Variants in ACCSL observed in about 807,000 individuals in gnomAD.
ACCSL encodes the protein probable inactive 1-aminocyclopropane-1-carboxylate synthase-like protein 2.
A neutral mutation model predicts 61.7 loss-of-function variants in ACCSL; 55 were observed. The observed-to-expected ratio is 0.89, with a 90% CI of 0.72 to 1.12. ACCSL has a LOEUF of 1.12. Ranked by LOEUF, ACCSL falls within the 50% of genes most tolerant of loss-of-function variation. ACCSL has a pLI of 0.00. For missense variants in ACCSL, 632 were observed against 698.0 expected (o/e 0.91, Z 1.07); for synonymous variants, 258 against 264.3 (o/e 0.98, Z 0.23).
chr11:43,975,762 T>C, the ACCSL span, among the ~76,000 whole-genome samples: 1 of 152,216 alleles, frequency 6.6e-6, no homozygotes, highest in African/African-American at 2.4e-5. Flanking sequence ...ACAAAGCTAC[T>C]GATCTTCAAA....
At chr11:43,979,250 T>G in the ACCSL span, among the ~76,000 whole-genome samples, 1 of 152,148 alleles carries the variant, frequency 6.6e-6, no homozygotes, top group Non-Finnish European at 1.5e-5. Context: ...AAGGACTGCT[T>G]GAGCCCAGGA....
chr11:44,058,601 A>G lies in ACCSL; in HGVS notation c.1526A>G (p.Asp509Gly), dbSNP rs1209277290. 1.2e-6 allele frequency: 2 copies of G among 1,614,016 alleles called. No homozygotes were observed. The highest frequency in any genetic ancestry group is 1.3e-5 in the African/African-American group (1 of 74,902). ...CGGCTCCTCTATTGCCGCTTCCTGGACAACAAGCTATTGTTATCCCGTGGC... is the reference window on the plus strand; with the variant it reads ...CGGCTCCTCTATTGCCGCTTCCTGGGCAACAAGCTATTGTTATCCCGTGGC... ...EERLLYCRFLDNKLLLSRGKT... is the reference protein window; with the variant it reads ...EERLLYCRFLGNKLLLSRGKT... The change falls in exon 13 of 14, where the codon GAC (aspartate) becomes GGC (glycine). Residue 509 changes from aspartate to glycine, a missense_variant. Asp to Gly is a moderately conservative substitution (Grantham distance 94). Transcript: ENST00000378832.
chr11:44,026,627 T>C, the ACCSL span, among the ~76,000 whole-genome samples: 1 of 152,226 alleles, frequency 6.6e-6, no homozygotes, highest in African/African-American at 2.4e-5. Context: ...AATTGAAATA[T>C]GGACATCTAA....
chr11:44,004,954 C>T, the ACCSL span, among the ~76,000 whole-genome samples: 1 of 152,210 alleles, frequency 6.6e-6, no homozygotes, highest in Non-Finnish European at 1.5e-5. Flanking sequence ...GGATACACTC[C>T]TAACCAAGGC....
At chr11:43,943,981 G>C in the ACCSL span, 1 of 703,008 alleles carries the variant, frequency 1.4e-6, no homozygotes, top group African/African-American at 1.9e-5. The surrounding 1 kb of genome is among the most constrained non-coding windows in gnomAD (Gnocchi z 4.8). Flanking sequence ...GGACCAGGGA[G>C]CCGGGAGTGG....
the ACCSL span, chr11:43,995,380 G>A: frequency 2.0e-5 from 3 of 152,242 alleles, no homozygotes; most frequent in Non-Finnish European, 4.4e-5. Context: ...TCACTGAGCA[G>A]TTGGCAGTCG....
the ACCSL span, among the ~76,000 whole-genome samples, chr11:43,936,937 G>A: frequency 2.2e-4 from 34 of 152,260 alleles, no homozygotes; most frequent in African/African-American, 7.5e-4. Flanking sequence ...CAAGACCCAG[G>A]AGGGGATGAT....
the ACCSL span, among the ~76,000 whole-genome samples, chr11:43,921,951 A>G: frequency 6.6e-6 from 1 of 152,156 alleles, no homozygotes; most frequent in Non-Finnish European, 1.5e-5. Context: ...AGGCATGGAC[A>G]GGAATTCCAG....
At chr11:43,985,270 C>T in the ACCSL span, among the ~76,000 whole-genome samples, 1 of 152,192 alleles carries the variant, frequency 6.6e-6, no homozygotes, top group African/African-American at 2.4e-5. Context: ...GGAAGTGTAC[C>T]TCCAGTGTGA....
At chr11:43,924,763 T>G in the ACCSL span, among the ~76,000 whole-genome samples, 5 of 152,172 alleles carry the variant, frequency 3.3e-5, no homozygotes, top group African/African-American at 1.2e-4. Flanking sequence ...CAGTCCGCAC[T>G]TGGAGGATGG....
At chr11:44,036,348 C>A in the ACCSL span, among the ~76,000 whole-genome samples, 1 of 152,234 alleles carries the variant, frequency 6.6e-6, no homozygotes, top group African/African-American at 2.4e-5. Flanking sequence ...CAGGCCCAAG[C>A]AAGTAGCATG....
chr11:43,982,194 T>C, the ACCSL span, among the ~76,000 whole-genome samples: 1 of 148,604 alleles, frequency 6.7e-6, no homozygotes, highest in African/African-American at 2.5e-5. Flanking sequence ...CAGAACCACC[T>C]CTCTGTCCTG....
the ACCSL span, among the ~76,000 whole-genome samples, chr11:44,032,925 G>A: frequency 6.6e-6 from 1 of 152,324 alleles, no homozygotes; most frequent in Non-Finnish European, 1.5e-5. Context: ...AGACGCGGGT[G>A]GAGACTTCTC....
At chr11:44,029,990 T>G in the ACCSL span, among the ~76,000 whole-genome samples, 1 of 125,896 alleles carries the variant, frequency 7.9e-6, no homozygotes, top group Non-Finnish European at 1.7e-5. Context: ...TTTTATTTTA[T>G]TTTATTTTAT....
chr11:43,954,959 A>G, the ACCSL span, among the ~76,000 whole-genome samples: 1 of 152,200 alleles, frequency 6.6e-6, no homozygotes, highest in Non-Finnish European at 1.5e-5. Context: ...TCACCTGTGC[A>G]AGCTTCCAGC....
chr11:43,966,256 T>A, the ACCSL span, among the ~76,000 whole-genome samples: 1 of 152,012 alleles, frequency 6.6e-6, no homozygotes, highest in East Asian at 1.9e-4. Flanking sequence ...TAAAACCCTG[T>A]CTCTACTAAA....
the ACCSL span, among the ~76,000 whole-genome samples, chr11:43,987,140 G>A: frequency 1.3e-5 from 2 of 152,126 alleles, no homozygotes; most frequent in Non-Finnish European, 2.9e-5. Context: ...CCCTGTCACT[G>A]TTGTAGGGAC....
At chr11:43,980,166 T>C in the ACCSL span, among the ~76,000 whole-genome samples, 1 of 152,238 alleles carries the variant, frequency 6.6e-6, no homozygotes, top group African/African-American at 2.4e-5. Flanking sequence ...TGCCTAGAAT[T>C]CTGTTGTTTG....
chr11:43,986,109 G>A, the ACCSL span, among the ~76,000 whole-genome samples: 1 of 152,032 alleles, frequency 6.6e-6, no homozygotes, highest in Non-Finnish European at 1.5e-5. Flanking sequence ...AGACGTGGGT[G>A]CCATTCCTCT....
Sources: gnomAD v4.1 joint callset for allele counts (sites outside exome capture counted in the v4.1 genomes callset) on GRCh38, gnomAD v4.1.1 for gene constraint, Gnocchi (gnomAD v3.1) non-coding constraint, MANE v1.5 for transcripts, NCBI Gene and HGNC (gene_info 2026-07-23, HGNC 2026-07-21) for gene names.